The following GALNT13 variants were observed in gnomAD, a reference collection of about 807,000 sequenced individuals.
The protein encoded by GALNT13 is UDP-GalNAc:polypeptide N-acetylgalactosaminyltransferase 13.
A neutral mutation model predicts 64.2 loss-of-function variants in GALNT13; 28 were observed. The observed-to-expected ratio is 0.44, with a 90% CI of 0.32 to 0.60. The LOEUF is 0.60. GALNT13 is among the 20% of genes least tolerant of loss of function. The pLI is 0.05. For synonymous variants in GALNT13, 214 were observed against 224.6 expected, an observed-to-expected ratio of 0.95 and a Z score of 0.42; for missense variants, 577 against 669.8, an observed-to-expected ratio of 0.86 and a Z score of 1.53.
At chr2:153,744,677 G>A in the GALNT13 span, among the ~76,000 whole-genome samples, 1 of 151,922 alleles carries the variant, frequency 6.6e-6, no homozygotes, top group African/African-American at 2.4e-5. Flanking sequence ...GCATGACCGA[G>A]ACCAAAAAAG....
chr2:154,048,792 T>C (rs1574408795), intron 3 of GALNT13, among the ~76,000 whole-genome samples: 1 of 152,166 alleles, frequency 6.6e-6, no homozygotes, highest in African/African-American at 2.4e-5. Context: ...CATGGTGCTA[T>C]AGAGATTTGT....
chr2:154,393,274 T>C (rs1574224709), intron 9 of GALNT13, among the ~76,000 whole-genome samples: 1 of 152,268 alleles, frequency 6.6e-6, no homozygotes, highest in East Asian at 1.9e-4. Flanking sequence ...GAAAAGTCTC[T>C]CCATCTTGTA....
chr2:154,185,434 CT>C (rs1433102575), intron 4 of GALNT13, among the ~76,000 whole-genome samples: 2 of 151,894 alleles, frequency 1.3e-5, no homozygotes, highest in East Asian at 3.9e-4. Context: ...TTTAAATAAG[CT>C]TTCTACACCT....
the GALNT13 span, among the ~76,000 whole-genome samples, chr2:153,408,479 C>CA: frequency 2.6e-5 from 4 of 151,998 alleles, no homozygotes; most frequent in Non-Finnish European, 5.9e-5. Context: ...AAATAAATAG[C>CA]AAAAATAGTC....
the GALNT13 span, among the ~76,000 whole-genome samples, chr2:153,466,050 T>G: frequency 7.9e-5 from 12 of 152,012 alleles, no homozygotes; most frequent in Non-Finnish European, 1.5e-4. Context: ...AAAACAAAAA[T>G]CACAGGATTG....
At chr2:153,913,068 G>C (rs1689067054) in intron 2 of GALNT13, among the ~76,000 whole-genome samples, 1 of 152,166 alleles carries the variant, frequency 6.6e-6, no homozygotes, top group Non-Finnish European at 1.5e-5. Flanking sequence ...GTTGGTGTTA[G>C]CATGGTGGTG....
chr2:153,420,882 A>G, the GALNT13 span: 3 of 239,836 alleles, frequency 1.3e-5, no homozygotes, highest in Admixed American at 4.3e-5. Context: ...GGTGTTGCTC[A>G]GCATGCACGC....
chr2:154,212,468 T>C (rs1687829700), intron 4 of GALNT13, among the ~76,000 whole-genome samples: 1 of 152,136 alleles, frequency 6.6e-6, no homozygotes, highest in Non-Finnish European at 1.5e-5. Flanking sequence ...GGTCTCGAAC[T>C]CCTGACCTCA....
chr2:154,045,140 G>A (rs1204704871), intron 3 of GALNT13, among the ~76,000 whole-genome samples: 3 of 152,220 alleles, frequency 2.0e-5, no homozygotes, highest in African/African-American at 4.8e-5. Context: ...CAAATTTATA[G>A]ATGGAAGTAA....
chr2:153,566,823 TA>T, the GALNT13 span, among the ~76,000 whole-genome samples: 39,006 of 152,110 alleles, frequency 0.26, 5,541 homozygotes, highest in South Asian at 0.34. Context: ...GATCTTAAAA[TA>T]TATGCCTATA....
chr2:154,222,535 T>C (rs2105825026), intron 4 of GALNT13, among the ~76,000 whole-genome samples: 1 of 152,266 alleles, frequency 6.6e-6, no homozygotes, highest in African/African-American at 2.4e-5. Flanking sequence ...TCCTTTTGTT[T>C]TTAATCTGTT....
At chr2:153,217,002 T>G in the GALNT13 span, among the ~76,000 whole-genome samples, 1 of 152,034 alleles carries the variant, frequency 6.6e-6, no homozygotes, top group Non-Finnish European at 1.5e-5. Context: ...GGTTGCATAT[T>G]TTTTCCTCTC....
At position 153,989,622 on chromosome 2, in the gene GALNT13, G is replaced by A. The variant is rs539271313; in HGVS notation, c.142+44983G>A. Among the ~76,000 whole-genome samples, 8 of 152,006 alleles carry A rather than the reference G, an allele frequency of 5.3e-5. No homozygotes were observed. In the East Asian group the frequency reaches 9.7e-4, roughly 18 times the overall value. On this transcript the variant is annotated intron_variant, in intron 3 of 12. Transcript: ENST00000392825. ...TGGATTACGTAAGGAAAGGTATATGGGTGTAGCAAGGCACAGGGCAATTCC... is the reference window on the plus strand; with the variant it reads ...TGGATTACGTAAGGAAAGGTATATGAGTGTAGCAAGGCACAGGGCAATTCC...
chr2:154,337,044 AT>A (rs1325861998), intron 9 of GALNT13, among the ~76,000 whole-genome samples: 2 of 152,134 alleles, frequency 1.3e-5, no homozygotes, highest in African/African-American at 4.8e-5. Context: ...CTATAAAAAA[AT>A]ATACATGTAT....
At chr2:153,963,707 CTCCG>C (rs1408120132) in intron 3 of GALNT13, among the ~76,000 whole-genome samples, 1 of 147,952 alleles carries the variant, frequency 6.8e-6, no homozygotes, top group South Asian at 2.2e-4. Flanking sequence ...CTCTCTGTCT[CTCCG>C]TCTCTCTCTC....
At chr2:153,208,282 TC>T in the GALNT13 span, 1 of 152,174 alleles carries the variant, frequency 6.6e-6, no homozygotes, top group Admixed American at 6.5e-5. Flanking sequence ...TTTTCCCATT[TC>T]CCTTTACAAC....
At chr2:153,803,913 C>T in the GALNT13 span, among the ~76,000 whole-genome samples, 1 of 151,982 alleles carries the variant, frequency 6.6e-6, no homozygotes, top group Non-Finnish European at 1.5e-5. Context: ...TTGTTTAAGC[C>T]ATCCAGTCTG....
At chr2:153,165,253 TTTGA>T in the GALNT13 span, among the ~76,000 whole-genome samples, 2 of 152,210 alleles carry the variant, frequency 1.3e-5, no homozygotes, top group African/African-American at 2.4e-5. Flanking sequence ...ATAAGGGTAC[TTTGA>T]TTGTTATAGT....
the GALNT13 span, among the ~76,000 whole-genome samples, chr2:153,145,079 T>C: frequency 6.6e-6 from 1 of 151,904 alleles, no homozygotes; most frequent in Non-Finnish European, 1.5e-5. Flanking sequence ...TTTAGCACAC[T>C]GTAGATATGA....
Sources: allele counts gnomAD v4.1 joint callset (sites outside exome capture counted in the v4.1 genomes callset), GRCh38; gene constraint gnomAD v4.1.1; transcripts MANE v1.5; gene names NCBI Gene and HGNC (gene_info 2026-07-23, HGNC 2026-07-21).